SBF2: variants seen among roughly 807,000 people sequenced by gnomAD.
SBF2 encodes the protein myotubularin-related protein 13.
SBF2 carries 112 observed loss-of-function variants against 225.2 expected under a neutral mutation model. That is an observed-to-expected ratio of 0.50 (90% confidence interval 0.43 to 0.58). SBF2 has a LOEUF of 0.58. Among genes scored for constraint, SBF2 ranks in the 20% least tolerant of loss-of-function variants. The probability of loss-of-function intolerance (pLI) is 0.00; values close to 1 mark genes in which losing one functional copy is unlikely to be tolerated. For synonymous variants in SBF2, 763 were observed against 773.3 expected (o/e 0.99, Z 0.22); for missense variants, 1,996 against 2,206.2 (o/e 0.90, Z 1.91).
intron 2 of SBF2, among the ~76,000 whole-genome samples, chr11:10,076,737 CT>C (rs1446572329): frequency 2.6e-5 from 4 of 152,360 alleles, no homozygotes; most frequent in Admixed American, 6.5e-5. Flanking sequence ...CAAAACTACC[CT>C]TCTGTCCCTG....
chr11:10,049,330 G>A (rs895999679), intron 2 of SBF2, among the ~76,000 whole-genome samples: 2 of 152,102 alleles, frequency 1.3e-5, no homozygotes, highest in Non-Finnish European at 2.9e-5. Context: ...GTTGTGGCTG[G>A]GTGCGATGGC....
intron 33 of SBF2, among the ~76,000 whole-genome samples, chr11:9,794,283 A>G (rs1035025244): frequency 7.9e-5 from 12 of 152,180 alleles, no homozygotes; most frequent in Admixed American, 3.9e-4. Flanking sequence ...CAAGGAGGCA[A>G]ATACCTGCGT....
At chr11:10,119,007 A>G (rs370385214) in intron 2 of SBF2, among the ~76,000 whole-genome samples, 2 of 152,128 alleles carry the variant, frequency 1.3e-5, no homozygotes, top group East Asian at 3.9e-4. Flanking sequence ...TAAAAAAAGA[A>G]CAATCTGCTG....
intron 2 of SBF2, among the ~76,000 whole-genome samples, chr11:10,179,250 G>A (rs1012325280): frequency 6.6e-6 from 1 of 151,544 alleles, no homozygotes; most frequent in Non-Finnish European, 1.5e-5. Context: ...TGCTAGATGA[G>A]GAGTTAGTGG....
At chr11:10,127,926 T>C (rs901454074) in intron 2 of SBF2, among the ~76,000 whole-genome samples, 2 of 152,150 alleles carry the variant, frequency 1.3e-5, no homozygotes, top group Admixed American at 1.3e-4. Flanking sequence ...TTAATCTGAG[T>C]CTCTTCTTTC....
At chr11:9,974,960 C>CAAAACAAAAAAAA (rs1946612619) in intron 13 of SBF2, among the ~76,000 whole-genome samples, 1 of 23,268 alleles carries the variant, frequency 4.3e-5, no homozygotes. Context: ...AACTTTGACT[C>CAAAACAAAAAAAA]AAAAAAAAAA....
At chr11:10,041,094 C>T (rs897695664) in intron 3 of SBF2, among the ~76,000 whole-genome samples, 1 of 151,860 alleles carries the variant, frequency 6.6e-6, no homozygotes, top group Admixed American at 6.6e-5. Flanking sequence ...TTAGATAATT[C>T]CAAAGAGTTG....
chr11:10,015,866 G>C (rs888348556), intron 6 of SBF2, among the ~76,000 whole-genome samples: 2 of 151,872 alleles, frequency 1.3e-5, no homozygotes, highest in African/African-American at 4.8e-5. Context: ...GCAATGGCAC[G>C]ATTTCGGCTC....
At chr11:9,869,680 T>C (rs993190540) in intron 17 of SBF2, among the ~76,000 whole-genome samples, 4 of 152,138 alleles carry the variant, frequency 2.6e-5, no homozygotes, top group African/African-American at 9.7e-5. Flanking sequence ...GCCAATAAAC[T>C]AGGTATTGAA....
chr11:10,231,405 T>A (rs551642605), intron 1 of SBF2, among the ~76,000 whole-genome samples: 4 of 152,132 alleles, frequency 2.6e-5, no homozygotes, highest in Non-Finnish European at 5.9e-5. Flanking sequence ...AGTCTCTGGT[T>A]TTTCTGCTCT....
At chr11:9,930,584 A>G (rs1398748749) in intron 16 of SBF2, among the ~76,000 whole-genome samples, 1 of 152,184 alleles carries the variant, frequency 6.6e-6, no homozygotes, top group Non-Finnish European at 1.5e-5. Flanking sequence ...TGATAGTTTC[A>G]AAGGTGTCTA....
At chr11:9,914,549 C>G (rs73420639) in intron 16 of SBF2, among the ~76,000 whole-genome samples, 2,183 of 152,162 alleles carry the variant, frequency 0.014, 41 homozygotes, top group African/African-American at 0.049. Flanking sequence ...CAAAACGGAC[C>G]AGATACCTTA....
intron 1 of SBF2, among the ~76,000 whole-genome samples, chr11:10,281,577 CTT>C (rs1963410208): frequency 6.6e-6 from 1 of 152,118 alleles, no homozygotes; most frequent in Non-Finnish European, 1.5e-5. Context: ...TCTCCAAACC[CTT>C]CTGTGGTTCC....
At chr11:10,179,313 G>A (rs1369276191) in intron 2 of SBF2, among the ~76,000 whole-genome samples, 3 of 151,182 alleles carry the variant, frequency 2.0e-5, no homozygotes, top group African/African-American at 7.3e-5. Flanking sequence ...CCTGCACATT[G>A]TGCACATGTA....
At chr11:10,170,388 T>C (rs952471621) in intron 2 of SBF2, among the ~76,000 whole-genome samples, 41 of 152,262 alleles carry the variant, frequency 2.7e-4, no homozygotes, top group Admixed American at 3.3e-4. Context: ...GAGACTGTCT[T>C]TTCTCCAGTG....
intron 1 of SBF2, among the ~76,000 whole-genome samples, chr11:10,291,634 T>C (rs1316611934): frequency 6.7e-6 from 1 of 148,216 alleles, no homozygotes; most frequent in Non-Finnish European, 1.5e-5. Context: ...CTAAGGCAAA[T>C]AGTAACAGAA....
chr11:9,848,844 C>T (rs939750965), intron 22 of SBF2, among the ~76,000 whole-genome samples: 1 of 152,208 alleles, frequency 6.6e-6, no homozygotes, highest in African/African-American at 2.4e-5. Context: ...TGAACTGTTG[C>T]GCATTATATG....
At chr11:9,827,468 G>A (rs746554179) in intron 28 of SBF2, among the ~76,000 whole-genome samples, 57 of 151,436 alleles carry the variant, frequency 3.8e-4, no homozygotes, top group Non-Finnish European at 8.8e-5. Flanking sequence ...GTTGGAGGCT[G>A]CAGTTAGTTA....
intron 16 of SBF2, among the ~76,000 whole-genome samples, chr11:9,917,305 T>C (rs1396058922): frequency 1.3e-5 from 2 of 151,682 alleles, no homozygotes; most frequent in African/African-American, 4.9e-5. Context: ...GACCTTCTTT[T>C]GTCTCAGGTC....
Sources: allele counts gnomAD v4.1 joint callset (sites outside exome capture counted in the v4.1 genomes callset), GRCh38; gene constraint gnomAD v4.1.1; transcripts MANE v1.5; gene names NCBI Gene and HGNC (gene_info 2026-07-23, HGNC 2026-07-21).